FBN1: variants seen among roughly 807,000 people sequenced by gnomAD.
FBN1 encodes the protein fibrillin 1, also known as fibrillin-1.
Under a neutral mutation model 365.1 loss-of-function variants are expected in FBN1, and 29 were observed. That is an observed-to-expected ratio of 0.08 (90% confidence interval 0.06 to 0.11). FBN1 has a LOEUF of 0.11. FBN1 is among the 10% of genes least tolerant of loss of function. The probability of loss-of-function intolerance (pLI) is 1.00; values close to 1 mark genes in which losing one functional copy is unlikely to be tolerated. For synonymous variants in FBN1, 1,210 were observed against 1,270.5 expected (o/e 0.95, Z 1.01); for missense variants, 2,476 against 3,703.2 (o/e 0.67, Z 8.60).
chr15:48,554,308 C>T (rs1396773579), intron 6 of FBN1, among the ~76,000 whole-genome samples: 1 of 152,136 alleles, frequency 6.6e-6, no homozygotes, highest in African/African-American at 2.4e-5. Context: ...CCTCTTGCTC[C>T]CCAGGATTAA....
At chr15:48,480,945 T>C (rs1251768233) in intron 32 of FBN1, among the ~76,000 whole-genome samples, 1 of 152,222 alleles carries the variant, frequency 6.6e-6, no homozygotes, top group Non-Finnish European at 1.5e-5. Context: ...TGTCATTGCC[T>C]CATATTTGAA....
chr15:48,442,517 G>A (rs1464545028), intron 49 of FBN1, among the ~76,000 whole-genome samples: 1 of 152,150 alleles, frequency 6.6e-6, no homozygotes, highest in East Asian at 1.9e-4. Context: ...ATAGGAAACT[G>A]TACACTTAGA....
chr15:48,528,749 G>A (rs188929008), intron 8 of FBN1, among the ~76,000 whole-genome samples: 13 of 152,270 alleles, frequency 8.5e-5, no homozygotes, highest in Admixed American at 2.0e-4. Context: ...ACATTTGAAA[G>A]AGCTTAAACG....
At chr15:48,518,923 A>G (rs1407157485) in intron 10 of FBN1, among the ~76,000 whole-genome samples, 1 of 152,210 alleles carries the variant, frequency 6.6e-6, no homozygotes, top group Non-Finnish European at 1.5e-5. Context: ...TGCATCTCTC[A>G]GTGGTATACC....
At chr15:48,473,698 C>A (rs1173665282) in intron 34 of FBN1, among the ~76,000 whole-genome samples, 4 of 152,022 alleles carry the variant, frequency 2.6e-5, no homozygotes, top group African/African-American at 9.7e-5. Flanking sequence ...GAGAGAAATA[C>A]ATACTGTTCT....
intron 6 of FBN1, among the ~76,000 whole-genome samples, chr15:48,552,872 A>G (rs2044154042): frequency 6.6e-6 from 1 of 152,176 alleles, no homozygotes; most frequent in African/African-American, 2.4e-5. Context: ...ACCAAATTTT[A>G]CCCAAATGCA....
intron 40 of FBN1, 98 bp from the exon 41 acceptor site, chr15:48,464,119 T>C (rs948331947): frequency 9.5e-6 from 11 of 1,154,596 alleles, no homozygotes; most frequent in African/African-American, 9.2e-5. Context: ...AGAAAATCTA[T>C]AGGGTATTTT....
At chr15:48,596,187 T>C in intron 6 of FBN1, 96 bp downstream of exon 6, 1 of 1,092,860 alleles carries the variant, frequency 9.2e-7, no homozygotes, top group Non-Finnish European at 1.4e-6. Flanking sequence ...CTCAGCAACA[T>C]TCAGGAAGTA....
At chr15:48,533,992 G>C (rs2043992846) in intron 8 of FBN1, 88 bp downstream of exon 8, 4 of 1,545,648 alleles carry the variant, frequency 2.6e-6, no homozygotes, top group Non-Finnish European at 3.6e-6. Context: ...GAAGGATTTA[G>C]GAATAATTTG....
At chr15:48,500,340 T>A (rs942848858) in intron 17 of FBN1, among the ~76,000 whole-genome samples, 1 of 152,230 alleles carries the variant, frequency 6.6e-6, no homozygotes, top group African/African-American at 2.4e-5. Context: ...TGTTTTCCAT[T>A]TAGGCAGGAT....
intron 47 of FBN1, among the ~76,000 whole-genome samples, chr15:48,446,487 CT>C (rs1379862427): frequency 1.3e-5 from 2 of 152,148 alleles, no homozygotes; most frequent in African/African-American, 2.4e-5. Context: ...TTTCAGGCAT[CT>C]GCTGGGGGTC....
At chr15:48,619,970 A>C (rs1889736221) in intron 2 of FBN1, among the ~76,000 whole-genome samples, 1 of 152,156 alleles carries the variant, frequency 6.6e-6, no homozygotes. Flanking sequence ...CATGTTTTAA[A>C]AATTAAATTA....
At chr15:48,615,619 G>A (rs539044865) in intron 2 of FBN1, among the ~76,000 whole-genome samples, 1 of 152,176 alleles carries the variant, frequency 6.6e-6, no homozygotes, top group African/African-American at 2.4e-5. Flanking sequence ...ACATAACTCG[G>A]GAAACAATTT....
chr15:48,460,802 C>G (rs1026659908), intron 42 of FBN1, among the ~76,000 whole-genome samples: 1 of 152,130 alleles, frequency 6.6e-6, no homozygotes, highest in Non-Finnish European at 1.5e-5. Context: ...CCAACCTTCA[C>G]CAGTTTTTCA....
chr15:48,493,070 G>A (rs2043575525), intron 23 of FBN1, among the ~76,000 whole-genome samples: 1 of 152,170 alleles, frequency 6.6e-6, no homozygotes, highest in Non-Finnish European at 1.5e-5. Flanking sequence ...TAAATCACCA[G>A]AAAATGTACA....
chr15:48,624,240 T>A (rs1232434922), intron 2 of FBN1, among the ~76,000 whole-genome samples: 1 of 152,156 alleles, frequency 6.6e-6, no homozygotes, highest in African/African-American at 2.4e-5. Context: ...GTGCAGCAAG[T>A]CAGCACTCTT....
intron 3 of FBN1, among the ~76,000 whole-genome samples, chr15:48,611,851 C>T (rs2044659403): frequency 6.6e-6 from 1 of 152,212 alleles, no homozygotes; most frequent in Non-Finnish European, 1.5e-5. Flanking sequence ...TTTCCTCAAG[C>T]TCCTGCACAA....
intron 44 of FBN1, among the ~76,000 whole-genome samples, chr15:48,454,269 A>G (rs2043223031): frequency 6.6e-6 from 1 of 152,208 alleles, no homozygotes; most frequent in Admixed American, 6.5e-5. Context: ...AGGGCTGTAA[A>G]GACACCTGCT....
intron 9 of FBN1, among the ~76,000 whole-genome samples, chr15:48,522,289 TTTA>T (rs1367465298): frequency 2.6e-5 from 4 of 152,108 alleles, no homozygotes; most frequent in Admixed American, 6.5e-5. Context: ...TTTAATACAC[TTTA>T]TTGTGTATAA....
Sources: allele counts gnomAD v4.1 joint callset (sites outside exome capture counted in the v4.1 genomes callset), GRCh38; gene constraint gnomAD v4.1.1; transcripts MANE v1.5; gene names NCBI Gene and HGNC (gene_info 2026-07-23, HGNC 2026-07-21).